The following ZNF738 variants were observed in gnomAD, a reference collection of about 807,000 sequenced individuals.
ZNF738 encodes the protein protein ZNF738.
Under a neutral mutation model 9.2 loss-of-function variants are expected in ZNF738, and 10 were observed. The observed-to-expected ratio is 1.09, with a 90% confidence interval of 0.67 to 1.85. The LOEUF (loss-of-function observed/expected upper bound fraction) is 1.85, where lower values mean the gene tolerates loss of function less well. ZNF738 is among the 40% of genes most tolerant of loss of function. ZNF738 has a pLI of 0.00. For missense variants in ZNF738, 346 were observed against 283.6 expected (o/e 1.22, Z -1.58); for synonymous variants, 113 against 94.5 (o/e 1.20, Z -1.14).
In ZNF738 at chr19:21,382,971, T is replaced by C. The variant is rs1974022717; in HGVS notation, c.425T>C (p.Leu142Ser). Residue 142 changes from leucine to serine, a missense_variant, in exon 5 of 5, where the codon TTA (leucine) becomes TCA (serine). By Grantham distance (145) the Leu-to-Ser change is moderately radical. Coordinates refer to ENST00000683779, the MANE Select transcript of ZNF738 (RefSeq NM_001355237.2). Reference protein sequence around the residue: ...REYGNYGHKDLQLRKGCKSVN... With the variant: ...REYGNYGHKDSQLRKGCKSVN... The stretch of plus-strand genomic sequence containing the variant: ...TATGGAAATTATGGACATAAAGATT[T>C]ACAGTTAAGAAAAGGCTGTAAAAGT... 1.5e-6 allele frequency: 1 copy of C among 665,664 alleles called. No individual in the cohort carries two copies. Among genetic ancestry groups the C allele is most frequent in the African/African-American group, 1.8e-5 (1 of 55,700 alleles). The allele number at this position is 665,664 out of a possible 1,614,324, so 41.2% of individuals were successfully genotyped here. A position where few individuals can be genotyped will look rare whatever the true frequency, so the allele number is the denominator to read the frequency against.
intron 2 of ZNF738, among the ~76,000 whole-genome samples, chr19:21,369,455 G>A (rs1973828272): frequency 6.6e-6 from 1 of 152,058 alleles, no homozygotes; most frequent in Non-Finnish European, 1.5e-5. Context: ...AGGCAATTAG[G>A]TTTATTCCGT....
Position 21,386,017 on chromosome 19 carries a change from A to G in ZNF738, c.*2343A>G, listed in dbSNP as rs1467779183. Among the ~76,000 whole-genome samples, 1 of 152,202 alleles carries G rather than the reference A, an allele frequency of 6.6e-6. No individual in the cohort carries two copies. The highest frequency in any genetic ancestry group is 1.5e-5 in the Non-Finnish European group (1 of 68,030). On this transcript the variant is annotated 3_prime_UTR_variant, in exon 5 of 5. Transcript: ENST00000683779. ...TTCGTGCTGGAGAGAAACCCTACAA[A>G]TATGAAGAATATCTCAAAACTTTTT... is the stretch of plus-strand genomic sequence containing the variant.
intron 4 of ZNF738, chr19:21,377,936 T>C (rs907703169): frequency 1.0e-5 from 4 of 391,458 alleles, no homozygotes; most frequent in Non-Finnish European, 1.8e-5. Context: ...TCTCTCTTTG[T>C]TTCTCTCTGT....
rs1329075912 is a variant in ZNF738, at chr19:21,385,952, GC to G, written c.*2279del. On this transcript the variant is annotated 3_prime_UTR_variant, in exon 5 of 5. Transcript: ENST00000683779. ...CTACAAATATGAAGAATGTCACAAA[GC>G]TTTTAACCACTTCTCAACCCTGATG... Among the ~76,000 whole-genome samples the G allele has an allele frequency of 6.6e-6, 1 of 152,052 alleles. No individual in the cohort carries two copies. Among genetic ancestry groups the G allele is most frequent in the African/African-American group, 2.4e-5 (1 of 41,392 alleles).
Position 21,383,711 on chromosome 19 carries a change from A to G in ZNF738, c.*37A>G. ...CTTTAATGTATTCGCAACCCTTACTAGACATAAGATAATTCATACTGAAGA... is the reference window on the plus strand; with the variant it reads ...CTTTAATGTATTCGCAACCCTTACTGGACATAAGATAATTCATACTGAAGA... On this transcript the variant is annotated 3_prime_UTR_variant, in exon 5 of 5. Coordinates refer to ENST00000683779, the MANE Select transcript of ZNF738 (RefSeq NM_001355237.2). The G allele has an allele frequency of 2.9e-6, 3 of 1,025,712 alleles. No individual in the cohort carries two copies. Among genetic ancestry groups the G allele is most frequent in the Non-Finnish European group, 4.6e-6 (3 of 657,954 alleles). 63.5% of individuals were successfully genotyped at this position (1,025,712 alleles called of 1,614,324 possible). A position where few individuals can be genotyped will look rare whatever the true frequency, so the allele number is the denominator to read the frequency against.
intron 4 of ZNF738, chr19:21,381,156 T>C (rs17618715): frequency 0.093 from 89,803 of 964,812 alleles, 4,656 homozygotes; most frequent in Middle Eastern, 0.14. Context: ...ACATGATTTC[T>C]GCAGTGAGCA....
In ZNF738 at chr19:21,386,671, AGT is replaced by A. The variant is rs894650405; in HGVS notation, c.*3001_*3002del. The A allele has an allele frequency of 5.3e-6, 1 of 188,970 alleles. No homozygotes were observed. The highest frequency in any genetic ancestry group is 2.4e-5 in the African/African-American group (1 of 42,060). 11.7% of individuals were successfully genotyped at this position (188,970 alleles called of 1,614,324 possible). On this transcript the variant is annotated 3_prime_UTR_variant, in exon 5 of 5. Coordinates refer to ENST00000683779, the MANE Select transcript of ZNF738 (RefSeq NM_001355237.2). ...ATTCATATTGGAGATTAACCTTATG[AGT>A]GTGAAAAATATGGCAAAAGCTTTAA...
intron 2 of ZNF738, among the ~76,000 whole-genome samples, chr19:21,364,890 C>T (rs186397221): frequency 6.8e-6 from 1 of 146,858 alleles, no homozygotes; most frequent in African/African-American, 2.5e-5. Flanking sequence ...GGACTACAGG[C>T]ATCCACCACC....
At chr19:21,376,880 T>C (rs1973935103) in intron 4 of ZNF738, among the ~76,000 whole-genome samples, 1 of 151,836 alleles carries the variant, frequency 6.6e-6, no homozygotes, top group South Asian at 2.1e-4. Flanking sequence ...ATTCATAAAA[T>C]GTCAAATTTA....
chr19:21,375,358 T>C lies in ZNF738; in HGVS notation c.217T>C (p.Phe73Leu), dbSNP rs117387640. Residue 73 changes from phenylalanine (F) to leucine (L), a missense_variant, in exon 3 of 5, where the codon TTC becomes CTC. Transcript: ENST00000683779. ...GTTAGAGAACTTCAGAAACCTGGTG[T>C]TCTTGGGTGAGAATAACTTTAATAC... ...VMLENFRNLV[F>L]LGIDVSKPDL... The C allele has an allele frequency of 5.4e-4, 469 of 862,498 alleles. 2 individuals carry two copies. The East Asian group carries it at 0.011, about 20-fold the overall frequency. The allele number at this position is 862,498 out of a possible 1,614,324, so 53.4% of individuals were successfully genotyped here.
chr19:21,362,097 GATAATA>G (rs55672173), intron 2 of ZNF738, among the ~76,000 whole-genome samples: 1,518 of 148,090 alleles, frequency 0.01, 16 homozygotes, highest in South Asian at 0.025. Flanking sequence ...TAATAATAAT[GATAATA>G]ATAATAATAA....
At chr19:21,380,264 AAAAT>A (rs1973987504) in intron 4 of ZNF738, among the ~76,000 whole-genome samples, 1 of 152,216 alleles carries the variant, frequency 6.6e-6, no homozygotes, top group South Asian at 2.1e-4. Context: ...CACTCAAAAT[AAAAT>A]AAAAATAATA....
chr19:21,374,549 C>T (rs1287641736), intron 2 of ZNF738, among the ~76,000 whole-genome samples: 3 of 152,124 alleles, frequency 2.0e-5, no homozygotes, highest in East Asian at 1.9e-4. Context: ...TATTTTTCTC[C>T]TCATTATTAA....
chr19:21,373,319 A>G (rs1973880396), intron 2 of ZNF738, among the ~76,000 whole-genome samples: 1 of 152,098 alleles, frequency 6.6e-6, no homozygotes, highest in South Asian at 2.1e-4. Flanking sequence ...ATGTTGTTTT[A>G]ATTGTGTCTC....
intron 2 of ZNF738, among the ~76,000 whole-genome samples, chr19:21,373,917 A>G (rs1973891951): frequency 6.6e-6 from 1 of 152,092 alleles, no homozygotes; most frequent in African/African-American, 2.4e-5. Flanking sequence ...TAACTACTAT[A>G]AAAAATTCTT....
intron 2 of ZNF738, among the ~76,000 whole-genome samples, chr19:21,371,748 C>G (rs1963057): frequency 0.04 from 5,585 of 140,334 alleles, 340 homozygotes; most frequent in African/African-American, 0.13. Flanking sequence ...ATCACCTGAA[C>G]GTATATTTAT....
Position 21,383,115 on chromosome 19 carries a change from A to G in ZNF738, c.569A>G (p.Asn190Ser). 1 of 1,544,184 alleles carries G rather than the reference A, an allele frequency of 6.5e-7. No individual in the cohort carries two copies. Among genetic ancestry groups the G allele is most frequent in the Non-Finnish European group, 8.9e-7 (1 of 1,121,342 alleles). The change falls in exon 5 of 5, where the codon AAT (asparagine) becomes AGT (serine). Residue 190 changes from asparagine (N) to serine (S), a missense_variant. Asn to Ser is a conservative substitution (Grantham distance 46). Transcript: ENST00000683779. ...GTGAAAGTCTTTCATAAATTTTTAA[A>G]TTCAAATACACATAAGACAAGACAT... ...KYVKVFHKFL[N>S]SNTHKTRHTG...
At chr19:21,382,094 CT>C (rs954987484) in intron 4 of ZNF738, among the ~76,000 whole-genome samples, 4 of 73,956 alleles carry the variant, frequency 5.4e-5, no homozygotes, top group Non-Finnish European at 9.8e-5. Context: ...GAGATGTAGT[CT>C]TGCTCTGTTG....
intron 3 of ZNF738, 141 bp from the exon 4 acceptor site, chr19:21,375,728 G>T: frequency 2.2e-6 from 1 of 461,462 alleles, no homozygotes; most frequent in Non-Finnish European, 3.9e-6. Context: ...TTTTCTAAAT[G>T]TAAGAACTTT....
Sources: gnomAD v4.1 joint callset for allele counts (sites outside exome capture counted in the v4.1 genomes callset) on GRCh38, gnomAD v4.1.1 for gene constraint, MANE v1.5 for transcripts, NCBI Gene and HGNC (gene_info 2026-07-23, HGNC 2026-07-21) for gene names.